PHLPP1: variants seen among roughly 807,000 people sequenced by gnomAD.
PHLPP1 encodes PH domain leucine-rich repeat-containing protein phosphatase 1.
Under a neutral mutation model 117.2 loss-of-function variants are expected in PHLPP1, and 42 were observed. The observed-to-expected ratio is 0.36, with a 90% CI of 0.28 to 0.46. PHLPP1 has a LOEUF of 0.46. PHLPP1 is among the 20% of genes least tolerant of loss of function. The pLI is 1.00. For missense variants in PHLPP1, 2,084 were observed against 2,241.9 expected, an observed-to-expected ratio of 0.93 and a Z score of 1.42; for synonymous variants, 1,042 against 970.7, an observed-to-expected ratio of 1.07 and a Z score of -1.37.
chr18:62,934,574 T>C (rs1427058512), intron 10 of PHLPP1, among the ~76,000 whole-genome samples: 1 of 152,170 alleles, frequency 6.6e-6, no homozygotes, highest in Admixed American at 6.5e-5. Flanking sequence ...CTGAAAGAGA[T>C]AAGGGATATA....
At chr18:62,809,227 T>C (rs1177471425) in intron 1 of PHLPP1, among the ~76,000 whole-genome samples, 5 of 152,208 alleles carry the variant, frequency 3.3e-5, no homozygotes, top group Non-Finnish European at 5.9e-5. Context: ...CCTGAGGAGA[T>C]TACCTGTGGG....
intron 12 of PHLPP1, among the ~76,000 whole-genome samples, chr18:62,946,381 G>A (rs1175773040): frequency 1.3e-5 from 2 of 152,008 alleles, no homozygotes; most frequent in East Asian, 1.9e-4. Context: ...TTCGCTCGCC[G>A]CAGCCTCCCG....
chr18:62,837,043 A>G (rs1914925012), intron 2 of PHLPP1, among the ~76,000 whole-genome samples: 1 of 152,184 alleles, frequency 6.6e-6, no homozygotes, highest in East Asian at 1.9e-4. Flanking sequence ...GTGCAGTGGT[A>G]TAGTTACTCC....
chr18:62,780,308 A>C (rs903409164), intron 1 of PHLPP1, among the ~76,000 whole-genome samples: 1 of 152,198 alleles, frequency 6.6e-6, no homozygotes, highest in Non-Finnish European at 1.5e-5. Context: ...TTTATTGGGC[A>C]TATTGATTTA....
chr18:62,812,664 G>T (rs1395093174), intron 1 of PHLPP1, among the ~76,000 whole-genome samples: 1 of 151,944 alleles, frequency 6.6e-6, no homozygotes, highest in Non-Finnish European at 1.5e-5. Flanking sequence ...GCGAAGTTCA[G>T]TTGTGTCTCC....
intron 1 of PHLPP1, among the ~76,000 whole-genome samples, chr18:62,731,854 A>G (rs938378063): frequency 3.9e-5 from 6 of 152,258 alleles, no homozygotes; most frequent in African/African-American, 1.4e-4. Context: ...CAAACCAGGT[A>G]CAACATTCAC....
chr18:62,933,010 C>T (rs1169828622), intron 10 of PHLPP1, among the ~76,000 whole-genome samples: 3 of 151,968 alleles, frequency 2.0e-5, no homozygotes, highest in Non-Finnish European at 4.4e-5. Flanking sequence ...ATCCCATTTA[C>T]AATAGCAAAA....
Position 62,716,974 on chromosome 18 carries a change from CGCGAGGGGTCGT to C in PHLPP1, c.1298_1309del (p.Gly433_Glu436del). 1 of 1,540,534 alleles carries C rather than the reference CGCGAGGGGTCGT, an allele frequency of 6.5e-7. No individual in the cohort carries two copies. The highest frequency in any genetic ancestry group is 8.7e-7 in the Non-Finnish European group (1 of 1,146,060). On this transcript the variant is annotated inframe_deletion, in exon 1 of 17. Transcript: ENST00000262719. This position sits in a 1 kb window ranked among gnomAD's most constrained non-coding sequence, Gnocchi z 5.7. ...CATTGACAGCCCGGGCGGGGCCGTC[CGCGAGGGGTCGT>C]GCGAGGAGAAGGCAGCGGCAGCCGT...
Position 62,716,549 on chromosome 18 carries a change from G to A in PHLPP1, c.866G>A (p.Gly289Asp), listed in dbSNP as rs1288629494. 9 of 1,184,648 alleles carry A rather than the reference G, an allele frequency of 7.6e-6. No homozygotes were observed. Among genetic ancestry groups the A allele is most frequent in the Admixed American group, 4.6e-5 (1 of 21,954 alleles). The allele number at this position is 1,184,648 out of a possible 1,614,324, so 73.4% of individuals were successfully genotyped here. Reference sequence around the variant, plus strand: ...GTACCGCCCGCGAGGAGCGCGCCGGGTGCCTTCGGGGGGCCTCCGCGCGCG... The same window carrying A: ...GTACCGCCCGCGAGGAGCGCGCCGGATGCCTTCGGGGGGCCTCCGCGCGCG... ...SEVPPARSAP[G>D]AFGGPPRAPP... The change falls in exon 1 of 17, where the codon GGT becomes GAT. Residue 289 changes from glycine to aspartate, a missense_variant. By Grantham distance (94) the Gly-to-Asp change is moderately conservative. This residue lies in a region of PHLPP1 where 719 missense variants were observed against 636.0 expected (regional missense o/e 1.13). Coordinates refer to ENST00000262719, the MANE Select transcript of PHLPP1 (RefSeq NM_194449.4). The surrounding 1 kb of genome is among the most constrained non-coding windows in gnomAD (Gnocchi z 5.7).
At chr18:62,812,972 C>T (rs1377273339) in intron 1 of PHLPP1, among the ~76,000 whole-genome samples, 1 of 152,052 alleles carries the variant, frequency 6.6e-6, no homozygotes, top group Non-Finnish European at 1.5e-5. Context: ...AAATATTGCT[C>T]ATCAAATAAG....
chr18:62,819,791 G>A (rs1022500698), intron 1 of PHLPP1, among the ~76,000 whole-genome samples: 7 of 152,034 alleles, frequency 4.6e-5, no homozygotes, highest in East Asian at 3.9e-4. Context: ...GATTACAGGC[G>A]CCTGCCACCA....
At chr18:62,861,713 C>T (rs915542492) in intron 4 of PHLPP1, among the ~76,000 whole-genome samples, 1 of 151,948 alleles carries the variant, frequency 6.6e-6, no homozygotes, top group Non-Finnish European at 1.5e-5. Context: ...AAAAATAATC[C>T]AATAGTTGCT....
chr18:62,941,470 T>C (rs1910128043), intron 10 of PHLPP1, among the ~76,000 whole-genome samples: 1 of 152,242 alleles, frequency 6.6e-6, no homozygotes, highest in South Asian at 2.1e-4. Flanking sequence ...TGCTTCCCCT[T>C]ACCTTTGTGC....
chr18:62,921,313 GA>G (rs1447046530), intron 10 of PHLPP1, among the ~76,000 whole-genome samples: 1 of 152,220 alleles, frequency 6.6e-6, no homozygotes, highest in African/African-American at 2.4e-5. Context: ...GAAGTGCAGA[GA>G]AGAGAAGGAA....
rs926181674 is a variant in PHLPP1, at chr18:62,715,953, C to G, written c.270C>G (p.Ala90=). The change falls in exon 1 of 17, where the codon GCC becomes GCG. Residue 90 remains alanine, a synonymous_variant. Transcript: ENST00000262719. ...CGCTGCCGGGCAGAGCGGGGGGTGCCGGGCGCAGGAGGCGGCGCGGGGCGC... is the reference window on the plus strand; with the variant it reads ...CGCTGCCGGGCAGAGCGGGGGGTGCGGGGCGCAGGAGGCGGCGCGGGGCGC... The part of the protein sequence containing the change: ...PGPLPGRAGG[A]GRRRRRGAPQ... 10 of 1,192,206 alleles carry G rather than the reference C, an allele frequency of 8.4e-6. No individual in the cohort carries two copies. The highest frequency in any genetic ancestry group is 3.3e-4 in the Middle Eastern group (1 of 3,024). The allele number at this position is 1,192,206 out of a possible 1,614,324, so 73.9% of individuals were successfully genotyped here.
chr18:62,902,473 T>C (rs1916748458), intron 6 of PHLPP1, among the ~76,000 whole-genome samples: 1 of 152,238 alleles, frequency 6.6e-6, no homozygotes, highest in South Asian at 2.1e-4. Flanking sequence ...TTTTTCCACC[T>C]CAACCTTTAA....
At chr18:62,763,876 A>C (rs1434297872) in intron 1 of PHLPP1, among the ~76,000 whole-genome samples, 1 of 151,996 alleles carries the variant, frequency 6.6e-6, no homozygotes, top group African/African-American at 2.4e-5. Context: ...CTGTCTTAAA[A>C]ATCAAGCTGG....
At chr18:62,753,845 A>G (rs1465499105) in intron 1 of PHLPP1, among the ~76,000 whole-genome samples, 1 of 152,144 alleles carries the variant, frequency 6.6e-6, no homozygotes, top group Non-Finnish European at 1.5e-5. Context: ...GTTTTGTAAG[A>G]TTTCTTACTA....
chr18:62,820,985 A>G (rs1029776378), intron 1 of PHLPP1, among the ~76,000 whole-genome samples: 2 of 152,264 alleles, frequency 1.3e-5, no homozygotes, highest in African/African-American at 4.8e-5. Flanking sequence ...ATACGTGTCA[A>G]TTAAATTACA....
Sources: gnomAD v4.1 joint callset for allele counts (sites outside exome capture counted in the v4.1 genomes callset) on GRCh38, gnomAD v4.1.1 for gene constraint, gnomAD v4.1.1 regional missense constraint, Gnocchi (gnomAD v3.1) non-coding constraint, MANE v1.5 for transcripts, NCBI Gene and HGNC (gene_info 2026-07-23, HGNC 2026-07-21) for gene names.